The following PTPRD variants were observed in gnomAD, a reference collection of about 807,000 sequenced individuals.
PTPRD encodes receptor-type tyrosine-protein phosphatase delta.
Under a neutral mutation model 214.5 loss-of-function variants are expected in PTPRD, and 34 were observed. The observed-to-expected ratio is 0.16, with a 90% confidence interval of 0.12 to 0.21. PTPRD has a LOEUF of 0.21. PTPRD is among the 10% of genes least tolerant of loss of function. The pLI is 1.00. For synonymous variants in PTPRD, 1,128 were observed against 845.7 expected, an observed-to-expected ratio of 1.33 and a Z score of -5.79; for missense variants, 2,545 against 2,398.7, an observed-to-expected ratio of 1.06 and a Z score of -1.27.
At chr9:10,387,427 T>A (rs978270460) in intron 2 of PTPRD, among the ~76,000 whole-genome samples, 2 of 151,824 alleles carry the variant, frequency 1.3e-5, no homozygotes, top group Non-Finnish European at 2.9e-5. Flanking sequence ...GATTCAGTTA[T>A]ATCAGAAGGC....
At chr9:8,548,731 G>A (rs897302769) in intron 14 of PTPRD, among the ~76,000 whole-genome samples, 4 of 82,704 alleles carry the variant, frequency 4.8e-5, no homozygotes, top group Non-Finnish European at 9.1e-5. Context: ...TTTCTCTCTT[G>A]TTGCCCAGGC....
intron 5 of PTPRD, among the ~76,000 whole-genome samples, chr9:9,897,193 G>C (rs1053424749): frequency 6.6e-6 from 1 of 151,636 alleles, no homozygotes; most frequent in Non-Finnish European, 1.5e-5. Flanking sequence ...GGTTGGTAAA[G>C]GTAATGCCTA....
intron 2 of PTPRD, among the ~76,000 whole-genome samples, chr9:10,511,592 T>C (rs1427721383): frequency 6.7e-6 from 1 of 150,138 alleles, no homozygotes; most frequent in East Asian, 2.0e-4. Context: ...TTTTTTGTAT[T>C]TTTAGTACAG....
intron 9 of PTPRD, among the ~76,000 whole-genome samples, chr9:9,346,370 G>T (rs1473973251): frequency 6.6e-6 from 1 of 152,042 alleles, no homozygotes; most frequent in African/African-American, 2.4e-5. Flanking sequence ...AAAAATTTAA[G>T]AAAAAGTAAC....
intron 2 of PTPRD, among the ~76,000 whole-genome samples, chr9:10,485,457 G>C (rs2099126551): frequency 6.6e-6 from 1 of 152,030 alleles, no homozygotes; most frequent in African/African-American, 2.4e-5. Flanking sequence ...GGGTTGTATG[G>C]ACATTTTAAC....
At chr9:9,180,887 T>A (rs2099927811) in intron 10 of PTPRD, among the ~76,000 whole-genome samples, 2 of 152,102 alleles carry the variant, frequency 1.3e-5, no homozygotes, top group South Asian at 4.1e-4. Context: ...TTGTAGACAA[T>A]ATGGAGAAGT....
intron 10 of PTPRD, among the ~76,000 whole-genome samples, chr9:9,137,333 A>G (rs775582833): frequency 1.3e-5 from 2 of 152,138 alleles, no homozygotes; most frequent in Non-Finnish European, 2.9e-5. Flanking sequence ...TTAATGTATC[A>G]TTCTCTTGGT....
intron 9 of PTPRD, among the ~76,000 whole-genome samples, chr9:9,390,041 T>C (rs1034972015): frequency 1.3e-5 from 2 of 152,130 alleles, no homozygotes; most frequent in Admixed American, 1.3e-4. Flanking sequence ...TAGGGTGACA[T>C]TTCAGCAGAG....
At chr9:9,022,250 G>A (rs150164328) in intron 10 of PTPRD, among the ~76,000 whole-genome samples, 10 of 152,092 alleles carry the variant, frequency 6.6e-5, no homozygotes, top group Non-Finnish European at 7.4e-5. Flanking sequence ...TAGCCTACGT[G>A]TGCAGGGTTT....
chr9:9,269,848 T>C (rs1336840691), intron 9 of PTPRD, among the ~76,000 whole-genome samples: 1 of 150,848 alleles, frequency 6.6e-6, no homozygotes, highest in Non-Finnish European at 1.5e-5. Flanking sequence ...TAACCTGAGG[T>C]TGGGGGTGGT....
At chr9:9,730,536 A>G (rs753814647) in intron 7 of PTPRD, among the ~76,000 whole-genome samples, 1 of 152,128 alleles carries the variant, frequency 6.6e-6, no homozygotes, top group Non-Finnish European at 1.5e-5. Flanking sequence ...TTTCTCAATA[A>G]CTATATAAGT....
chr9:10,474,729 T>C (rs57134195), intron 2 of PTPRD, among the ~76,000 whole-genome samples: 5,005 of 152,042 alleles, frequency 0.033, 290 homozygotes, highest in African/African-American at 0.11. Context: ...ACCACATAAT[T>C]TGAAGTAAAA....
chr9:8,670,448 C>T (rs577163541), intron 12 of PTPRD, among the ~76,000 whole-genome samples: 7 of 152,218 alleles, frequency 4.6e-5, no homozygotes, highest in Admixed American at 3.3e-4. Context: ...TAAGTGAGAT[C>T]ATGCAATATT....
At chr9:10,336,847 A>C (rs537854070) in intron 3 of PTPRD, among the ~76,000 whole-genome samples, 1 of 151,772 alleles carries the variant, frequency 6.6e-6, no homozygotes, top group Admixed American at 6.6e-5. Flanking sequence ...GTGAAGGAAA[A>C]CTGGAGCTTT....
chr9:8,525,134 C>T (rs758254992), intron 17 of PTPRD, 99 bp from the exon 18 acceptor site: 3 of 989,322 alleles, frequency 3.0e-6, no homozygotes, highest in East Asian at 4.7e-5. Flanking sequence ...CCCTGCAAAG[C>T]GAAGGTCCAC....
At chr9:9,931,378 G>A (rs138401333) in intron 5 of PTPRD, among the ~76,000 whole-genome samples, 6,353 of 152,254 alleles carry the variant, frequency 0.042, 248 homozygotes, top group East Asian at 0.22. Context: ...TGCACCGTGC[G>A]TGAGCCGAAG....
At chr9:9,312,217 C>A (rs970183282) in intron 9 of PTPRD, among the ~76,000 whole-genome samples, 1 of 152,082 alleles carries the variant, frequency 6.6e-6, no homozygotes, top group Non-Finnish European at 1.5e-5. Context: ...TTAAAAATTG[C>A]AGGAACTGAA....
At chr9:10,277,885 T>G (rs986867879) in intron 3 of PTPRD, among the ~76,000 whole-genome samples, 2 of 151,968 alleles carry the variant, frequency 1.3e-5, no homozygotes, top group Non-Finnish European at 2.9e-5. Flanking sequence ...GAGGCCGGGC[T>G]CGGTGGCTCA....
chr9:8,959,214 G>A (rs1429763086), intron 11 of PTPRD, among the ~76,000 whole-genome samples: 2 of 151,984 alleles, frequency 1.3e-5, no homozygotes, highest in African/African-American at 4.8e-5. Context: ...GATGGCAGAA[G>A]ATGAACCCTG....
Sources: gnomAD v4.1 joint callset for allele counts (sites outside exome capture counted in the v4.1 genomes callset) on GRCh38, gnomAD v4.1.1 for gene constraint, MANE v1.5 for transcripts, NCBI Gene and HGNC (gene_info 2026-07-23, HGNC 2026-07-21) for gene names.